MORC1: variants seen among roughly 807,000 people sequenced by gnomAD.
The protein encoded by MORC1 is MORC family CW-type zinc finger protein 1.
In MORC1, 59 loss-of-function variants were observed where a neutral mutation model predicts 134.9. That is an observed-to-expected ratio of 0.44 (90% CI 0.35 to 0.54). The LOEUF is 0.54. Ranked by LOEUF, MORC1 falls within the 20% of genes least tolerant of loss-of-function variation. The pLI is 0.00. For synonymous variants in MORC1, 395 were observed against 391.7 expected (o/e 1.01, Z -0.10); for missense variants, 947 against 1,134.5 (o/e 0.83, Z 2.37).
intron 21 of MORC1, among the ~76,000 whole-genome samples, chr3:108,996,041 G>A (rs756025623): frequency 6.6e-6 from 1 of 152,158 alleles, no homozygotes; most frequent in Non-Finnish European, 1.5e-5. Flanking sequence ...ACAAAAGGAG[G>A]AGCAAAGTCA....
chr3:108,992,098 C>G (rs2107491137), intron 21 of MORC1, among the ~76,000 whole-genome samples: 1 of 152,244 alleles, frequency 6.6e-6, no homozygotes, highest in African/African-American at 2.4e-5. Context: ...GCCCTGCATG[C>G]TACTATCTCA....
chr3:109,095,493 G>A (rs1950815988), intron 6 of MORC1, among the ~76,000 whole-genome samples: 1 of 152,134 alleles, frequency 6.6e-6, no homozygotes, highest in Non-Finnish European at 1.5e-5. Flanking sequence ...CTCTAGAGTT[G>A]GGGTAGGGGG....
chr3:109,024,708 A>G (rs1430120313), intron 17 of MORC1, among the ~76,000 whole-genome samples: 3 of 152,176 alleles, frequency 2.0e-5, no homozygotes. Flanking sequence ...GGCAAATAAT[A>G]ATTACATGGC....
intron 5 of MORC1, 106 bp downstream of exon 5, chr3:109,100,311 T>C (rs1034136877): frequency 3.3e-6 from 3 of 903,588 alleles, no homozygotes; most frequent in Non-Finnish European, 5.3e-6. Context: ...CTCAAGTTTA[T>C]ATATTTTTTA....
chr3:108,969,777 C>T, intron 25 of MORC1, 55 bp from the exon 26 acceptor site: 20 of 1,504,818 alleles, frequency 1.3e-5, no homozygotes, highest in Non-Finnish European at 1.8e-5. Context: ...AATGTGCTGT[C>T]TACAGCAGAG....
chr3:109,032,694 G>A, intron 16 of MORC1, 26 bp downstream of exon 16: 1 of 1,441,410 alleles, frequency 6.9e-7, no homozygotes, highest in Non-Finnish European at 9.6e-7. Context: ...AATGAATAAA[G>A]AATTTTAGAA....
intron 21 of MORC1, among the ~76,000 whole-genome samples, chr3:108,996,824 C>A (rs1347024189): frequency 1.3e-5 from 2 of 151,626 alleles, no homozygotes; most frequent in Admixed American, 1.3e-4. Context: ...TCCTGGCTAA[C>A]ATGGAGAAAC....
intron 24 of MORC1, among the ~76,000 whole-genome samples, chr3:108,973,019 C>T (rs1947437195): frequency 6.6e-6 from 1 of 152,188 alleles, no homozygotes; most frequent in African/African-American, 2.4e-5. Flanking sequence ...AAATCTACAG[C>T]AAACATCATC....
Position 109,075,591 on chromosome 3 carries a change from C to T in MORC1, c.690-5834G>A, listed in dbSNP as rs539015646. ...CATTGCCTGTTTTTGTCAGGTTTGT[C>T]AAAGATCAGATGGTTGTAGATGTGT... On this transcript the variant is annotated intron_variant, in intron 8 of 27. Coordinates refer to ENST00000232603, the MANE Select transcript of MORC1 (RefSeq NM_014429.4). Among the ~76,000 whole-genome samples, 177 of 152,248 alleles carry T rather than the reference C, an allele frequency of 1.2e-3. 1 individual carries two copies. The highest frequency in any genetic ancestry group is 4.1e-3 in the African/African-American group (169 of 41,546).
intron 21 of MORC1, among the ~76,000 whole-genome samples, chr3:108,992,079 C>G (rs1015801252): frequency 6.6e-6 from 1 of 152,034 alleles, no homozygotes; most frequent in African/African-American, 2.4e-5. Context: ...TTCTTAAAAC[C>G]ATCCCTAGGC....
intron 24 of MORC1, among the ~76,000 whole-genome samples, chr3:108,975,326 T>C (rs1218696730): frequency 6.6e-6 from 1 of 152,224 alleles, no homozygotes; most frequent in Non-Finnish European, 1.5e-5. Flanking sequence ...AGTATATGTA[T>C]TTTCATGGCC....
intron 14 of MORC1, among the ~76,000 whole-genome samples, chr3:109,040,028 T>C (rs2107629659): frequency 6.6e-6 from 1 of 151,892 alleles, no homozygotes; most frequent in African/African-American, 2.4e-5. Flanking sequence ...AGGCTCAGGC[T>C]CAGAAAAACC....
chr3:109,040,522 C>T (rs28878571), intron 14 of MORC1, among the ~76,000 whole-genome samples: 2 of 147,770 alleles, frequency 1.4e-5, no homozygotes, highest in African/African-American at 4.9e-5. Context: ...AAGAAAGAAA[C>T]AAAGAAATAA....
intron 8 of MORC1, among the ~76,000 whole-genome samples, chr3:109,074,783 G>A (rs1950384967): frequency 6.6e-6 from 1 of 152,196 alleles, no homozygotes; most frequent in Admixed American, 6.6e-5. Context: ...CTAGAAAGAG[G>A]TGTTGTAGGA....
At chr3:109,026,130 G>A (rs893021942) in intron 17 of MORC1, among the ~76,000 whole-genome samples, 1 of 152,110 alleles carries the variant, frequency 6.6e-6, no homozygotes, top group Non-Finnish European at 1.5e-5. Context: ...TACCACAAAA[G>A]CAGGGTCAGT....
At chr3:108,986,817 T>C (rs1007932293) in intron 22 of MORC1, 63 bp downstream of exon 22, 1 of 1,132,096 alleles carries the variant, frequency 8.8e-7, no homozygotes, top group Middle Eastern at 2.9e-4. Context: ...TGTCAAGCCA[T>C]ATTGAAAATG....
chr3:109,018,632 A>G (rs1371346975), intron 17 of MORC1, among the ~76,000 whole-genome samples: 1 of 152,174 alleles, frequency 6.6e-6, no homozygotes, highest in Non-Finnish European at 1.5e-5. Context: ...ACAAATTGTA[A>G]GATATCATCT....
At chr3:109,017,621 T>C (rs187116883) in intron 17 of MORC1, among the ~76,000 whole-genome samples, 33 of 152,346 alleles carry the variant, frequency 2.2e-4, no homozygotes, top group Admixed American at 1.8e-3. Context: ...AAATCACATA[T>C]GTACTTTTTT....
chr3:108,960,352 T>C (rs1372222902), intron 27 of MORC1, among the ~76,000 whole-genome samples: 1 of 152,160 alleles, frequency 6.6e-6, no homozygotes, highest in African/African-American at 2.4e-5. Context: ...AGAGCAAAGC[T>C]TTCAATGGAG....
Sources: gnomAD v4.1 joint callset for allele counts (sites outside exome capture counted in the v4.1 genomes callset) on GRCh38, gnomAD v4.1.1 for gene constraint, MANE v1.5 for transcripts, NCBI Gene and HGNC (gene_info 2026-07-23, HGNC 2026-07-21) for gene names.